ZNF713: variants seen among roughly 807,000 people sequenced by gnomAD.
ZNF713 encodes the protein zinc finger protein 713.
ZNF713 carries 21 observed loss-of-function variants against 28.7 expected under a neutral mutation model. The observed-to-expected ratio is 0.73, with a 90% CI of 0.52 to 1.05. The LOEUF is 1.05. Ranked by LOEUF, ZNF713 falls within the 50% of genes least tolerant of loss-of-function variation. ZNF713 has a pLI of 0.00. For synonymous variants in ZNF713, 167 were observed against 178.0 expected (o/e 0.94, Z 0.49); for missense variants, 458 against 532.4 (o/e 0.86, Z 1.37).
At chr7:55,925,065 C>G (rs925853693) in intron 6 of ZNF713, among the ~76,000 whole-genome samples, 1 of 151,818 alleles carries the variant, frequency 6.6e-6, no homozygotes, top group Non-Finnish European at 1.5e-5. Context: ...GGCATACCAC[C>G]TACGATGTTC....
At chr7:55,913,195 C>CTTTTTTTTT (rs66851959) in intron 4 of ZNF713, among the ~76,000 whole-genome samples, 1 of 88,140 alleles carries the variant, frequency 1.1e-5, no homozygotes, top group Non-Finnish European at 2.0e-5. Context: ...GTTTTGATTC[C>CTTTTTTTTT]TTTTTTTTTT....
intron 1 of ZNF713, among the ~76,000 whole-genome samples, chr7:55,893,022 A>G (rs912052313): frequency 6.7e-6 from 1 of 149,424 alleles, no homozygotes; most frequent in Non-Finnish European, 1.5e-5. Flanking sequence ...AGCTGGGACT[A>G]CAGGCGGCCG....
At chr7:55,890,604 C>CTGT (rs973425474) in intron 1 of ZNF713, among the ~76,000 whole-genome samples, 1 of 151,956 alleles carries the variant, frequency 6.6e-6, no homozygotes, top group Admixed American at 6.6e-5. Context: ...TTCTAATCTG[C>CTGT]TGTAAGATTA....
chr7:55,909,711 C>T (rs1350824150), intron 2 of ZNF713, among the ~76,000 whole-genome samples: 2 of 152,066 alleles, frequency 1.3e-5, no homozygotes, highest in African/African-American at 4.8e-5. Context: ...TCTACCATTT[C>T]TTTCATCAGT....
At chr7:55,888,152 A>G (rs1190672948) in intron 1 of ZNF713, among the ~76,000 whole-genome samples, 1 of 152,112 alleles carries the variant, frequency 6.6e-6, no homozygotes, top group Non-Finnish European at 1.5e-5. Context: ...GGATTATGCA[A>G]ACGTTCGGCT....
At chr7:55,898,550 C>T (rs1785515831) in intron 1 of ZNF713, among the ~76,000 whole-genome samples, 1 of 152,136 alleles carries the variant, frequency 6.6e-6, no homozygotes, top group Non-Finnish European at 1.5e-5. Flanking sequence ...GTGCCACATG[C>T]TTTTAAGCCA....
intron 6 of ZNF713, 25 bp downstream of exon 6, chr7:55,923,724 C>T (rs1295453190): frequency 6.3e-7 from 1 of 1,580,074 alleles, no homozygotes; most frequent in East Asian, 2.2e-5. Context: ...TTGGGCACTG[C>T]TACTTAATGA....
At chr7:55,898,387 T>C (rs1785512066) in intron 1 of ZNF713, among the ~76,000 whole-genome samples, 2 of 152,218 alleles carry the variant, frequency 1.3e-5, no homozygotes, top group Non-Finnish European at 2.9e-5. Context: ...TGAGACTGAG[T>C]AATTTATGAA....
rs1786415933 is a variant in ZNF713, at chr7:55,939,293, C to G, written c.619C>G (p.Leu207Val). ...GAGAATTCCTTCCATTAAAATACCC[C>G]TGAATTCTGACACACAGGGAAACAG... Reference protein sequence around the residue: ...QQRIPSIKIPLNSDTQGNSIK... With the variant: ...QQRIPSIKIPVNSDTQGNSIK... The change falls in exon 7 of 7, where the codon CTG (leucine) becomes GTG (valine). Residue 207 changes from leucine to valine, a missense_variant. Transcript: ENST00000429591. The G allele has an allele frequency of 1.2e-6, 2 of 1,613,974 alleles. No individual in the cohort carries two copies. The highest frequency in any genetic ancestry group is 2.7e-5 in the African/African-American group (2 of 74,920).
chr7:55,892,270 T>C (rs1366938318), intron 1 of ZNF713, among the ~76,000 whole-genome samples: 1 of 96,148 alleles, frequency 1.0e-5, no homozygotes, highest in Admixed American at 1.6e-4. Context: ...AGAGTGAGAC[T>C]CCATCTCAAA....
chr7:55,929,066 A>G (rs1256477081), intron 6 of ZNF713, among the ~76,000 whole-genome samples: 1 of 151,966 alleles, frequency 6.6e-6, no homozygotes, highest in Non-Finnish European at 1.5e-5. Context: ...TGAGCCCTGG[A>G]TGTCGAGGCT....
At chr7:55,913,732 G>C (rs951338159) in intron 4 of ZNF713, among the ~76,000 whole-genome samples, 1 of 152,166 alleles carries the variant, frequency 6.6e-6, no homozygotes, top group African/African-American at 2.4e-5. Context: ...TCAGTTGCTT[G>C]TGTAATTGAC....
intron 6 of ZNF713, among the ~76,000 whole-genome samples, chr7:55,928,228 G>A (rs570632483): frequency 3.9e-5 from 6 of 152,248 alleles, no homozygotes; most frequent in African/African-American, 1.4e-4. Flanking sequence ...GCCCCATACA[G>A]CTGTGGTTTC....
At chr7:55,909,778 G>A (rs1785750059) in intron 2 of ZNF713, among the ~76,000 whole-genome samples, 1 of 152,060 alleles carries the variant, frequency 6.6e-6, no homozygotes, top group Admixed American at 6.6e-5. Flanking sequence ...GTATTCCTAG[G>A]TAATTTTGTG....
At chr7:55,928,767 A>G (rs1351615480) in intron 6 of ZNF713, among the ~76,000 whole-genome samples, 1 of 152,218 alleles carries the variant, frequency 6.6e-6, no homozygotes, top group African/African-American at 2.4e-5. Flanking sequence ...GACAGACACA[A>G]AAATAAACCT....
chr7:55,906,903 A>C (rs1476944505), intron 2 of ZNF713, among the ~76,000 whole-genome samples: 1 of 152,230 alleles, frequency 6.6e-6, no homozygotes, highest in Non-Finnish European at 1.5e-5. Flanking sequence ...AGAACCAGAC[A>C]ACCTGAAGAG....
At chr7:55,906,835 C>T (rs1013439867) in intron 2 of ZNF713, among the ~76,000 whole-genome samples, 9 of 152,030 alleles carry the variant, frequency 5.9e-5, no homozygotes, top group Non-Finnish European at 1.3e-4. Context: ...AAAATGGGAT[C>T]CTTTGAAATG....
chr7:55,937,070 G>C (rs919876500), intron 6 of ZNF713, among the ~76,000 whole-genome samples: 1 of 152,062 alleles, frequency 6.6e-6, no homozygotes, highest in Non-Finnish European at 1.5e-5. Context: ...AGGCCAAGGC[G>C]GGCGGATTGC....
chr7:55,905,634 C>G (rs1199877564), intron 1 of ZNF713, among the ~76,000 whole-genome samples: 4 of 152,122 alleles, frequency 2.6e-5, no homozygotes, highest in Non-Finnish European at 5.9e-5. Context: ...CATCACCCCA[C>G]TGCACCCATT....
Sources: gnomAD v4.1 joint callset for allele counts (sites outside exome capture counted in the v4.1 genomes callset) on GRCh38, gnomAD v4.1.1 for gene constraint, MANE v1.5 for transcripts, NCBI Gene and HGNC (gene_info 2026-07-23, HGNC 2026-07-21) for gene names.